The following ADK variants were observed in gnomAD, a reference collection of about 807,000 sequenced individuals.
ADK encodes N6,N6-dimethyladenosine kinase.
ADK carries 24 observed loss-of-function variants against 44.7 expected under a neutral mutation model. The observed-to-expected ratio is 0.54, with a 90% CI of 0.39 to 0.76. The LOEUF (loss-of-function observed/expected upper bound fraction) is 0.76. Ranked by LOEUF, ADK falls within the 30% of genes least tolerant of loss-of-function variation. The pLI is 0.00. For missense variants in ADK, 321 were observed against 425.1 expected, an observed-to-expected ratio of 0.76 and a Z score of 2.15; for synonymous variants, 128 against 142.6, an observed-to-expected ratio of 0.90 and a Z score of 0.73.
chr10:74,223,907 G>A (rs1420733895), intron 2 of ADK, among the ~76,000 whole-genome samples: 2 of 152,218 alleles, frequency 1.3e-5, no homozygotes, highest in East Asian at 3.9e-4. Context: ...TGGCCAACAT[G>A]TTAAAACCCC....
chr10:74,652,050 CTT>C (rs1162009549), intron 9 of ADK, among the ~76,000 whole-genome samples: 13 of 140,378 alleles, frequency 9.3e-5, no homozygotes, highest in Non-Finnish European at 1.1e-4. Flanking sequence ...TTCTTTCTTT[CTT>C]TTTTTTTTTT....
chr10:74,634,308 C>T (rs1052194851), intron 9 of ADK, among the ~76,000 whole-genome samples: 8 of 152,040 alleles, frequency 5.3e-5, no homozygotes, highest in African/African-American at 1.9e-4. Context: ...TCCGCCTCCC[C>T]AGTTCACGCC....
At chr10:74,509,584 A>C (rs1036820351) in intron 6 of ADK, 4 of 152,218 alleles carry the variant, frequency 2.6e-5, no homozygotes, top group African/African-American at 9.6e-5. Flanking sequence ...CTTTGTGTTA[A>C]GAACATTTAA....
rs779328407 is a variant in ADK at position 74,314,755 on chromosome 10, T to A, written c.273+10T>A. On this transcript the variant is annotated intron_variant, in intron 4 of 10. Transcript: ENST00000539909. ...AATTAAAGTGGCTCAGGTTGGTTAA[T>A]TATTTTAAAAGTTAAAAGGATTCAA... is the stretch of plus-strand genomic sequence containing the variant. 149 of 1,591,602 alleles carry A rather than the reference T, an allele frequency of 9.4e-5. No individual in the cohort carries two copies. The Middle Eastern group carries it at 1.5e-3, about 16-fold the overall frequency.
intron 2 of ADK, among the ~76,000 whole-genome samples, chr10:74,219,910 G>A (rs538578540): frequency 4.7e-5 from 7 of 148,260 alleles, no homozygotes; most frequent in Admixed American, 4.1e-4. Flanking sequence ...GCCCACAAGA[G>A]AAAGCAGGAA....
chr10:74,178,051 C>G (rs906074499), intron 1 of ADK, among the ~76,000 whole-genome samples: 13 of 151,306 alleles, frequency 8.6e-5, no homozygotes, highest in Non-Finnish European at 1.9e-4. Context: ...AAACGATTCT[C>G]CTGCCTCAGC....
At chr10:74,648,088 GTA>G (rs993066728) in intron 9 of ADK, among the ~76,000 whole-genome samples, 1 of 151,234 alleles carries the variant, frequency 6.6e-6, no homozygotes, top group African/African-American at 2.4e-5. Context: ...GTATATATAT[GTA>G]TATATATATA....
Position 74,300,287 on chromosome 10 carries a change from C to T in ADK, c.195-14380C>T, listed in dbSNP as rs1477470012. ...CCTTCCTTCCTTCCTTCCTTCCTTC[C>T]TTCCTTCCTTCCTTCCTTCCTTCTT... On this transcript the variant is annotated intron_variant, in intron 3 of 10. Transcript: ENST00000539909. Among the ~76,000 whole-genome samples the T allele has an allele frequency of 1.3e-3, 110 of 82,598 alleles. 1 individual carries two copies. The highest frequency in any genetic ancestry group is 5.2e-3 in the African/African-American group (105 of 20,200). The allele number at this position is 82,598 out of a possible 152,430, so 54.2% of individuals were successfully genotyped here.
chr10:74,666,578 A>AT (rs79110274), intron 9 of ADK, among the ~76,000 whole-genome samples: 16,497 of 152,136 alleles, frequency 0.11, 1,455 homozygotes, highest in African/African-American at 0.23. Flanking sequence ...TAACCAGGTC[A>AT]TTTTTCTACA....
intron 7 of ADK, among the ~76,000 whole-genome samples, chr10:74,558,025 C>T (rs1041233686): frequency 6.6e-6 from 1 of 152,068 alleles, no homozygotes; most frequent in African/African-American, 2.4e-5. Context: ...GAGCAAGCCA[C>T]GATGCACTGG....
intron 9 of ADK, among the ~76,000 whole-genome samples, chr10:74,646,950 A>G (rs1049537878): frequency 1.3e-5 from 2 of 152,192 alleles, no homozygotes; most frequent in Non-Finnish European, 2.9e-5. Flanking sequence ...TTTAAGGAAA[A>G]ATCTAAGGCT....
chr10:74,334,507 A>G (rs942030112), intron 4 of ADK, among the ~76,000 whole-genome samples: 5 of 152,208 alleles, frequency 3.3e-5, no homozygotes, highest in Admixed American at 6.5e-5. Context: ...CTGTTTTGTC[A>G]TAAGTAATGA....
chr10:74,572,165 T>C (rs1283660292), intron 7 of ADK, among the ~76,000 whole-genome samples: 1 of 152,234 alleles, frequency 6.6e-6, no homozygotes, highest in Non-Finnish European at 1.5e-5. Flanking sequence ...CCATGTTTAG[T>C]GCTTCCTTCA....
intron 6 of ADK, among the ~76,000 whole-genome samples, chr10:74,435,370 G>C (rs1327394689): frequency 6.6e-6 from 1 of 152,052 alleles, no homozygotes; most frequent in Non-Finnish European, 1.5e-5. Flanking sequence ...TAATTCATCC[G>C]CCTTTACATT....
intron 2 of ADK, among the ~76,000 whole-genome samples, chr10:74,206,112 A>T (rs941307235): frequency 6.6e-6 from 1 of 152,160 alleles, no homozygotes; most frequent in Non-Finnish European, 1.5e-5. Context: ...TCACTATTTT[A>T]AAAAAATCAT....
intron 6 of ADK, among the ~76,000 whole-genome samples, chr10:74,513,289 ACT>A (rs1848420182): frequency 6.6e-6 from 1 of 152,066 alleles, no homozygotes; most frequent in Admixed American, 6.5e-5. Flanking sequence ...GTGCAGTTTA[ACT>A]CTGATGTTTC....
At chr10:74,650,363 A>T (rs562706642) in intron 9 of ADK, among the ~76,000 whole-genome samples, 2 of 152,222 alleles carry the variant, frequency 1.3e-5, no homozygotes, top group South Asian at 4.2e-4. Context: ...GAGGCTGCCA[A>T]GATCTCGCCA....
At position 74,321,058 on chromosome 10, in the gene ADK, GTATTTC is replaced by G. The variant is rs1215026931; in HGVS notation, c.273+6319_273+6324del. Among the ~76,000 whole-genome samples, 3 of 152,062 alleles carry G rather than the reference GTATTTC, an allele frequency of 2.0e-5. No homozygotes were observed. The East Asian group carries it at 5.8e-4, about 29-fold the overall frequency. On this transcript the variant is annotated intron_variant, in intron 4 of 10. Coordinates refer to ENST00000539909, the MANE Select transcript of ADK (RefSeq NM_006721.4). Reference sequence around the variant, plus strand: ...GAAGCCTGATGGTGAGCTTCGTGAGGTATTTCTATTTAAGTTGTAAGTTCGCTTGTT... The same window carrying G: ...GAAGCCTGATGGTGAGCTTCGTGAGGTATTTAAGTTGTAAGTTCGCTTGTT...
chr10:74,168,495 C>T (rs865980343), intron 1 of ADK, among the ~76,000 whole-genome samples: 68 of 140,702 alleles, frequency 4.8e-4, no homozygotes, highest in Admixed American at 2.4e-3. Context: ...GCCGAGATCG[C>T]GCCACTGCAC....
Sources: gnomAD v4.1 joint callset for allele counts (sites outside exome capture counted in the v4.1 genomes callset) on GRCh38, gnomAD v4.1.1 for gene constraint, MANE v1.5 for transcripts, NCBI Gene and HGNC (gene_info 2026-07-23, HGNC 2026-07-21) for gene names.